PDE4D: variants seen among roughly 807,000 people sequenced by gnomAD.
The protein encoded by PDE4D is 3',5'-cyclic-AMP phosphodiesterase 4D.
A neutral mutation model predicts 87.4 loss-of-function variants in PDE4D; 24 were observed. That is an observed-to-expected ratio of 0.27 (90% CI 0.20 to 0.39). PDE4D has a LOEUF of 0.39. Among genes scored for constraint, PDE4D ranks in the 10% least tolerant of loss-of-function variants. PDE4D has a pLI of 1.00. For missense variants in PDE4D, 714 were observed against 1,041.0 expected (o/e 0.69, Z 4.32); for synonymous variants, 384 against 383.2 (o/e 1.00, Z -0.02).
chr5:60,279,422 T>C (rs1283604195), intron 1 of PDE4D, among the ~76,000 whole-genome samples: 1 of 152,168 alleles, frequency 6.6e-6, no homozygotes, highest in Non-Finnish European at 1.5e-5. Context: ...TTTCTGACAC[T>C]ATCCCAGTGT....
intron 1 of PDE4D, among the ~76,000 whole-genome samples, chr5:59,702,755 G>A (rs577230186): frequency 8.7e-5 from 13 of 149,952 alleles, no homozygotes; most frequent in African/African-American, 3.0e-4. Context: ...TGTAATTCCA[G>A]CTACTTGAGA....
chr5:59,728,701 A>G (rs949097110), intron 1 of PDE4D, among the ~76,000 whole-genome samples: 1 of 152,152 alleles, frequency 6.6e-6, no homozygotes, highest in South Asian at 2.1e-4. Context: ...AATATAGTAC[A>G]TAAAATTGGG....
intron 1 of PDE4D, among the ~76,000 whole-genome samples, chr5:59,600,915 G>A (rs557677563): frequency 1.3e-5 from 2 of 152,274 alleles, no homozygotes; most frequent in East Asian, 3.9e-4. Flanking sequence ...GACCCAAGAG[G>A]TTTCTAATAT....
At chr5:60,376,125 T>C (rs1349680459) in intron 1 of PDE4D, among the ~76,000 whole-genome samples, 1 of 152,206 alleles carries the variant, frequency 6.6e-6, no homozygotes, top group Non-Finnish European at 1.5e-5. Flanking sequence ...TAGTTTCTTA[T>C]TGCTGCTTAA....
intron 1 of PDE4D, among the ~76,000 whole-genome samples, chr5:59,606,680 A>G (rs933319804): frequency 6.6e-6 from 1 of 152,140 alleles, no homozygotes; most frequent in African/African-American, 2.4e-5. Flanking sequence ...GGAGTAATAA[A>G]GAACATAACC....
rs1794619807 is a variant in PDE4D at position 59,422,422 on chromosome 5, T to C, written c.456-206454A>G. Among the ~76,000 whole-genome samples the C allele has an allele frequency of 2.0e-5, 3 of 152,288 alleles. No homozygotes were observed. The South Asian group carries it at 6.2e-4, about 32-fold the overall frequency. On this transcript the variant is annotated intron_variant, in intron 1 of 14. Coordinates refer to ENST00000340635, the MANE Select transcript of PDE4D (RefSeq NM_001104631.2). ...TATTGTTTCAAAGGCTGTTAGTAGA[T>C]TGTTCACCTTCTTTTGCCTTTGAAA... is the stretch of plus-strand genomic sequence containing the variant.
At chr5:59,509,423 CAAA>C (rs11324683) in intron 1 of PDE4D, among the ~76,000 whole-genome samples, 2 of 122,042 alleles carry the variant, frequency 1.6e-5, no homozygotes, top group Admixed American at 8.4e-5. Context: ...GTCTCAGATG[CAAA>C]AAAAAAAAAA....
chr5:59,988,511 A>G lies in PDE4D; in HGVS notation c.249T>C (p.Ala83=), dbSNP rs371626200. 25 of 1,598,162 alleles carry G rather than the reference A, an allele frequency of 1.6e-5. No individual in the cohort carries two copies. The highest frequency in any genetic ancestry group is 2.1e-5 in the Non-Finnish European group (25 of 1,178,740). Residue 83 remains alanine (A), a synonymous_variant, in exon 3 of 17, where the codon GCT becomes GCC. Coordinates refer to the PDE4D transcript ENST00000502484. ...ACCCACTGGATTCTGCAGAAGTGAT[A>G]GCAATCAGCGGCAGAATCTTCAGGG...
intron 1 of PDE4D, among the ~76,000 whole-genome samples, chr5:59,505,292 T>G (rs923962969): frequency 5.3e-5 from 8 of 152,218 alleles, no homozygotes; most frequent in Admixed American, 6.5e-5. Flanking sequence ...GAGTTGGCTC[T>G]GGCATCAACA....
intron 1 of PDE4D, among the ~76,000 whole-genome samples, chr5:60,280,830 T>G (rs1053334202): frequency 6.6e-6 from 1 of 152,218 alleles, no homozygotes; most frequent in Non-Finnish European, 1.5e-5. Context: ...ATTATTAACT[T>G]ACTAATTAAA....
At chr5:59,449,496 T>C (rs1353090303) in intron 1 of PDE4D, among the ~76,000 whole-genome samples, 1 of 152,230 alleles carries the variant, frequency 6.6e-6, no homozygotes, top group Admixed American at 6.5e-5. Context: ...TTATTTAACC[T>C]TGGAGCCTTT....
intron 1 of PDE4D, among the ~76,000 whole-genome samples, chr5:59,844,197 T>C (rs568913820): frequency 5.7e-4 from 87 of 152,232 alleles, no homozygotes; most frequent in African/African-American, 2.1e-3. Context: ...GAATAGTTTT[T>C]TAATTAATTA....
intron 1 of PDE4D, among the ~76,000 whole-genome samples, chr5:60,436,004 C>A (rs1160106365): frequency 2.6e-5 from 4 of 152,006 alleles, no homozygotes; most frequent in Non-Finnish European, 5.9e-5. Context: ...AGGAACACAG[C>A]AGAAATGATT....
At chr5:60,145,039 T>C (rs2149428885) in intron 2 of PDE4D, among the ~76,000 whole-genome samples, 1 of 152,340 alleles carries the variant, frequency 6.6e-6, no homozygotes, top group East Asian at 1.9e-4. Flanking sequence ...AATGGACTTG[T>C]ATCTGAAACA....
At chr5:60,496,508 CA>C (rs1749821058) in intron 1 of PDE4D, among the ~76,000 whole-genome samples, 1 of 151,992 alleles carries the variant, frequency 6.6e-6, no homozygotes, top group South Asian at 2.1e-4. Context: ...GGAAGTTATT[CA>C]AAAGCCCACT....
rs1013994372 is a variant in PDE4D, at chr5:58,972,425, T to A, written c.*2239A>T. 6.6e-6 allele frequency: 1 copy of A among 152,564 alleles called. No homozygotes were observed. Among genetic ancestry groups the A allele is most frequent in the African/African-American group, 2.4e-5 (1 of 41,438 alleles). 9.5% of individuals were successfully genotyped at this position (152,564 alleles called of 1,614,324 possible). ...AAAGATCAGAGTTATAAAGACATAATTTTTATTTCAAAGGATCTAAGCATC... is the reference window on the plus strand; with the variant it reads ...AAAGATCAGAGTTATAAAGACATAAATTTTATTTCAAAGGATCTAAGCATC... On this transcript the variant is annotated 3_prime_UTR_variant, in exon 15 of 15. Transcript: ENST00000340635.
intron 1 of PDE4D, among the ~76,000 whole-genome samples, chr5:59,813,796 T>C (rs1186567731): frequency 6.6e-6 from 1 of 152,216 alleles, no homozygotes; most frequent in Non-Finnish European, 1.5e-5. Context: ...GGCAGGATAA[T>C]CTGTTCTTAC....
chr5:59,147,969 G>A (rs867848141), intron 5 of PDE4D, among the ~76,000 whole-genome samples: 20 of 152,138 alleles, frequency 1.3e-4, no homozygotes, highest in African/African-American at 4.8e-4. Flanking sequence ...CTGCCAGAAT[G>A]TGATTTCTTG....
chr5:59,289,212 G>T (rs1426180286), intron 1 of PDE4D, among the ~76,000 whole-genome samples: 1 of 152,144 alleles, frequency 6.6e-6, no homozygotes, highest in South Asian at 2.1e-4. Context: ...AAGTTAAAAT[G>T]TAGAGTTTTT....
Sources: allele counts gnomAD v4.1 joint callset (sites outside exome capture counted in the v4.1 genomes callset), GRCh38; gene constraint gnomAD v4.1.1; transcripts MANE v1.5; gene names NCBI Gene and HGNC (gene_info 2026-07-23, HGNC 2026-07-21).